PRDX4: variants seen among roughly 807,000 people sequenced by gnomAD.
PRDX4 encodes the protein peroxiredoxin 4.
Under a neutral mutation model 20.5 loss-of-function variants are expected in PRDX4, and 12 were observed. The observed-to-expected ratio is 0.58, with a 90% CI of 0.37 to 0.95. PRDX4 has a LOEUF of 0.95. Ranked by LOEUF, PRDX4 falls within the 40% of genes least tolerant of loss-of-function variation. The pLI, the probability that PRDX4 is intolerant of heterozygous loss-of-function variation, is 0.01. For synonymous variants in PRDX4, 99 were observed against 87.5 expected (o/e 1.13, Z -0.73); for missense variants, 180 against 207.3 (o/e 0.87, Z 0.81).
intron 6 of PRDX4, 79 bp downstream of exon 6, chrX:23,683,784 C>T: frequency 1.1e-6 from 1 of 878,212 alleles, no homozygotes; most frequent in Non-Finnish European, 1.6e-6. Flanking sequence ...GTGGCTCACG[C>T]CTGTAATCCC....
chrX:23,679,338 C>T, intron 4 of PRDX4, 51 bp downstream of exon 4: 1 of 1,098,341 alleles, frequency 9.1e-7, no homozygotes, highest in Non-Finnish European at 1.2e-6. Flanking sequence ...GTTTATAATC[C>T]TCCTTGAAAT....
chrX:23,671,420 A>T, intron 1 of PRDX4, 109 bp from the exon 2 acceptor site: 1 of 581,717 alleles, frequency 1.7e-6, no homozygotes, highest in Non-Finnish European at 2.8e-6. Flanking sequence ...CCAGACTGCC[A>T]AAGAGATCTA....
Position 23,682,378 on chromosome X carries a change from C to A in PRDX4, c.600-18C>A. 9.0e-7 allele frequency: 1 copy of A among 1,114,415 alleles called. No homozygotes were observed. The highest frequency in any genetic ancestry group is 1.2e-6 in the Non-Finnish European group (1 of 835,123). 91.8% of individuals were successfully genotyped at this position (1,114,415 alleles called of 1,213,427 possible). On this transcript the variant is annotated intron_variant, in intron 4 of 6. Coordinates refer to ENST00000379341, the MANE Select transcript of PRDX4 (RefSeq NM_006406.2). ...TGAGAAGAAATGACCTCATCTCTAC[C>A]ATTCTTCTGTTTTACAGAGGTCTCT...
intron 2 of PRDX4, among the ~76,000 whole-genome samples, chrX:23,673,724 C>G (rs1322721264): frequency 9.7e-6 from 1 of 102,791 alleles, no homozygotes; most frequent in African/African-American, 3.6e-5. Flanking sequence ...CCACTGCACT[C>G]CAGCCTGGGT....
rs183407321 is a variant in PRDX4, at chrX:23,676,885, G to C, written c.476+1779G>C. ...GGGTCTTACTATGTTGCCCAGGCTG[G>C]AGTGCAGTGGCACAATCAATCATAG... On this transcript the variant is annotated intron_variant, in intron 3 of 6. Coordinates refer to ENST00000379341, the MANE Select transcript of PRDX4 (RefSeq NM_006406.2). 1.4e-3 allele frequency among the ~76,000 whole-genome samples: 155 copies of C among 110,471 alleles called. 2 individuals carry two copies. Among genetic ancestry groups the C allele is most frequent in the African/African-American group, 5.0e-3 (153 of 30,455 alleles).
At position 23,686,294 on chromosome X, in the gene PRDX4, G is replaced by T; in HGVS notation, c.775G>T (p.Asp259Tyr). 8.5e-7 allele frequency: 1 copy of T among 1,175,385 alleles called. No homozygotes were observed. The highest frequency in any genetic ancestry group is 1.9e-5 in the South Asian group (1 of 51,615). ...CGTTTTGTTTTAACAGATAATCCCA[G>T]ATCCAGCTGGAAAGCTGAAGTATTT... ...WKPGSETIIP[D>Y]PAGKLKYFDK... is the part of the protein sequence containing the mutation. The change falls in exon 7 of 7, where the codon GAT becomes TAT. Residue 259 changes from aspartate (D) to tyrosine (Y), a missense_variant. Physicochemically the swap from Asp to Tyr is radical, Grantham distance 160. This residue lies in a region of PRDX4 where 73 missense variants were observed against 76.5 expected (regional missense o/e 0.95). Transcript: ENST00000379341.
At chrX:23,686,212 C>A in intron 6 of PRDX4, 73 bp from the exon 7 acceptor site, 1 of 828,364 alleles carries the variant, frequency 1.2e-6, no homozygotes, top group Non-Finnish European at 1.7e-6. Flanking sequence ...GCATGGGCAA[C>A]TAATGTCAGA....
At chrX:23,682,290 TGTG>T in intron 4 of PRDX4, 103 bp from the exon 5 acceptor site, 2 of 476,557 alleles carry the variant, frequency 4.2e-6, no homozygotes, top group East Asian at 1.2e-4. Flanking sequence ...AGGTAGGTAG[TGTG>T]GTGTTTGTTC....
chrX:23,677,080 TCCGAGGATTAA>T (rs1212767086), intron 3 of PRDX4, among the ~76,000 whole-genome samples: 2 of 111,359 alleles, frequency 1.8e-5, no homozygotes, highest in Admixed American at 9.6e-5. Flanking sequence ...TTATAAATCT[TCCGAGGATTAA>T]AATGCATATC....
chrX:23,683,999 G>T, intron 6 of PRDX4, among the ~76,000 whole-genome samples: 1 of 93,648 alleles, frequency 1.1e-5, no homozygotes, highest in Admixed American at 1.3e-4. Context: ...AGTGAGCCGA[G>T]ATCATGCCAC....
intron 2 of PRDX4, among the ~76,000 whole-genome samples, chrX:23,674,437 T>C (rs1927905177): frequency 9.1e-6 from 1 of 110,205 alleles, no homozygotes; most frequent in African/African-American, 3.3e-5. Flanking sequence ...CCTGACAACA[T>C]GAGGGTATTA....
chrX:23,686,004 C>A (rs756127654), intron 6 of PRDX4: 11 of 406,366 alleles, frequency 2.7e-5, no homozygotes, highest in Non-Finnish European at 4.2e-5. Context: ...TTAATTAGAT[C>A]AAACCTGAAG....
intron 6 of PRDX4, chrX:23,685,979 C>G (rs2146797173): frequency 2.7e-6 from 1 of 371,678 alleles, no homozygotes; most frequent in African/African-American, 2.6e-5. Context: ...GCCATGCTCT[C>G]TAAATGTGTT....
Position 23,671,587 on chromosome X carries a change from G to A in PRDX4, c.300G>A (p.Glu100=), listed in dbSNP as rs1601789254. The change falls in exon 2 of 7, where the codon GAG becomes GAA. Residue 100 remains glutamate (E), a synonymous_variant. Transcript: ENST00000379341. ...GTAVIDGEFK[E]LKLTDYRGKY... is the part of the protein sequence containing the mutation. The stretch of plus-strand genomic sequence containing the variant: ...CTGTGATCGATGGAGAATTTAAGGA[G>A]CTGAAGTTAACTGATTATCGTGGGA... 1 of 1,208,303 alleles carries A rather than the reference G, an allele frequency of 8.3e-7. No individual in the cohort carries two copies. Among genetic ancestry groups the A allele is most frequent in the Middle Eastern group, 2.3e-4 (1 of 4,345 alleles).
At chrX:23,679,413 G>A (rs990220368) in intron 4 of PRDX4, 126 bp downstream of exon 4, 31 of 802,041 alleles carry the variant, frequency 3.9e-5, no homozygotes, top group East Asian at 7.0e-5. Flanking sequence ...GGCCAGGCAC[G>A]GTAGCTCAAG....
intron 5 of PRDX4, among the ~76,000 whole-genome samples, chrX:23,682,853 A>AAAAAAAAAT (rs1555933130): frequency 4.0e-4 from 6 of 14,874 alleles, no homozygotes; most frequent in East Asian, 2.8e-3. Flanking sequence ...AAAAAAAAAA[A>AAAAAAAAAT]ATATATATAT....
chrX:23,667,570 C>A lies in PRDX4; in HGVS notation c.-1C>A. 1 of 1,183,024 alleles carries A rather than the reference C, an allele frequency of 8.5e-7. No homozygotes were observed. The highest frequency in any genetic ancestry group is 1.9e-5 in the South Asian group (1 of 54,045). ...GGACGTGTTTCTGCGCTCGCGTGGTCATGGAGGCGCTGCCGCTGCTAGCCG... is the reference window on the plus strand; with the variant it reads ...GGACGTGTTTCTGCGCTCGCGTGGTAATGGAGGCGCTGCCGCTGCTAGCCG... On this transcript the variant is annotated 5_prime_UTR_variant, in exon 1 of 7. Coordinates refer to ENST00000379341, the MANE Select transcript of PRDX4 (RefSeq NM_006406.2).
intron 1 of PRDX4, among the ~76,000 whole-genome samples, chrX:23,669,977 A>G (rs1927814510): frequency 9.0e-6 from 1 of 111,463 alleles, no homozygotes; most frequent in African/African-American, 3.3e-5. Context: ...GACAGACATC[A>G]GAATGTTAAC....
intron 5 of PRDX4, among the ~76,000 whole-genome samples, chrX:23,682,853 A>AAAAAATATATAT (rs1555933130): frequency 3.4e-4 from 5 of 14,878 alleles, no homozygotes; most frequent in Non-Finnish European, 6.3e-4. Context: ...AAAAAAAAAA[A>AAAAAATATATAT]ATATATATAT....
Sources: gnomAD v4.1 joint callset for allele counts (sites outside exome capture counted in the v4.1 genomes callset) on GRCh38, gnomAD v4.1.1 for gene constraint, gnomAD v4.1.1 regional missense constraint, MANE v1.5 for transcripts, NCBI Gene and HGNC (gene_info 2026-07-23, HGNC 2026-07-21) for gene names.